The following KLHL38 variants were observed in gnomAD, a reference collection of about 807,000 sequenced individuals.
KLHL38 encodes kelch-like protein 38.
A neutral mutation model predicts 39.6 loss-of-function variants in KLHL38; 38 were observed. The ratio of observed to expected loss-of-function variants is 0.96; its 90% confidence interval spans 0.74 to 1.26. The LOEUF (loss-of-function observed/expected upper bound fraction) is 1.26, where lower values mean the gene tolerates loss of function less well. Among genes scored for constraint, KLHL38 ranks in the 50% most tolerant of loss-of-function variants. KLHL38 has a pLI of 0.00. For synonymous variants in KLHL38, 322 were observed against 302.2 expected (o/e 1.07, Z -0.68); for missense variants, 803 against 748.1 (o/e 1.07, Z -0.86).
intron 3 of KLHL38, 27 bp downstream of exon 3, chr8:123,646,882 G>A (rs758575642): frequency 2.5e-5 from 37 of 1,497,510 alleles, no homozygotes; most frequent in African/African-American, 9.7e-5. Context: ...TTTGTGTCAC[G>A]CCCAGTGATC....
chr8:123,645,914 T>C lies in KLHL38; in HGVS notation c.1571A>G (p.Tyr524Cys), dbSNP rs200260363. 6 of 1,614,034 alleles carry C rather than the reference T, an allele frequency of 3.7e-6. No homozygotes were observed. The East Asian group carries it at 1.3e-4, about 36-fold the overall frequency. Residue 524 changes from tyrosine to cysteine, a missense_variant, in exon 4 of 4, where the codon TAC (tyrosine) becomes TGC (cysteine). Transcript: ENST00000684634. ...HGATVMGNKL[Y>C]VTGGRRLTTD... ...GGTCAGCCGCCGCCCGCCCGTCACG[T>C]AGAGTTTGTTTCCCATCACTGTGGC... is the stretch of plus-strand genomic sequence containing the variant.
In KLHL38 at chr8:123,645,473, G is replaced by GAGAGAA. The variant is rs1587050249; in HGVS notation, c.*265_*266insTTCTCT. ...AAAGAGAGAGAGAGAGAGAGAGAGA[G>GAGAGAA]AGAGAGACAGACAGAGATAGGGGAG... is the stretch of plus-strand genomic sequence containing the variant. On this transcript the variant is annotated 3_prime_UTR_variant, in exon 4 of 4. Transcript: ENST00000684634. 1.2e-5 allele frequency: 6 copies of GAGAGAA among 499,284 alleles called. No homozygotes were observed. In the East Asian group the frequency reaches 1.6e-4, roughly 13 times the overall value. 30.9% of individuals were successfully genotyped at this position (499,284 alleles called of 1,614,324 possible).
chr8:123,649,366 T>A (rs1319283161), intron 2 of KLHL38, among the ~76,000 whole-genome samples: 2 of 151,942 alleles, frequency 1.3e-5, no homozygotes, highest in African/African-American at 4.8e-5. Flanking sequence ...GCCTGGATGG[T>A]CAGGGAGGAG....
chr8:123,651,791 G>A lies in KLHL38; in HGVS notation c.1136C>T (p.Thr379Ile), dbSNP rs1396916994. ...MLVARYSHRS[T>I]AHKNFIFSIG... ...GGAGAAGATGAAGTTCTTATGGGCA[G>A]TGCTTCTGTGGGAGTAGCGGGCCAC... Residue 379 changes from threonine (T) to isoleucine (I), a missense_variant, in exon 2 of 4, where the codon ACT becomes ATT. By Grantham distance (89) the Thr-to-Ile change is moderately conservative. Coordinates refer to ENST00000684634, the MANE Select transcript of KLHL38 (RefSeq NM_001081675.3). 1 of 1,614,188 alleles carries A rather than the reference G, an allele frequency of 6.2e-7. No individual in the cohort carries two copies. The highest frequency in any genetic ancestry group is 1.7e-5 in the Admixed American group (1 of 60,030).
chr8:123,646,178 G>A, intron 3 of KLHL38, 150 bp from the exon 4 acceptor site: 1 of 706,438 alleles, frequency 1.4e-6, no homozygotes, highest in Admixed American at 2.6e-5. Context: ...AACCTGCCAA[G>A]GCCTGCTTTG....
At position 123,651,980 on chromosome 8, in the gene KLHL38, G is replaced by A; in HGVS notation, c.947C>T (p.Ala316Val). 6.2e-7 allele frequency: 1 copy of A among 1,614,260 alleles called. No homozygotes were observed. Residue 316 changes from alanine (A) to valine (V), a missense_variant, in exon 2 of 4, where the codon GCC becomes GTC. Ala to Val is a moderately conservative substitution (Grantham distance 64). Coordinates refer to ENST00000684634, the MANE Select transcript of KLHL38 (RefSeq NM_001081675.3). ...SKQTGQWQSLAKLPTRLYKAS... is the reference protein window; with the variant it reads ...SKQTGQWQSLVKLPTRLYKAS... ...CTTGTACAGCCGTGTCGGGAGTTTG[G>A]CAAGGCTCTGCCATTGGCCGGTCTG...
intron 1 of KLHL38, 57 bp from the exon 2 acceptor site, chr8:123,652,984 C>A: frequency 6.6e-7 from 1 of 1,520,918 alleles, no homozygotes; most frequent in Admixed American, 1.9e-5. Context: ...TTCTCAGCTG[C>A]ATGTGCTGGA....
rs1587055580 is a variant in KLHL38, at chr8:123,652,523, T to A, written c.404A>T (p.Asn135Ile). ...SYLQSQLAPS[N>I]CLGMIRLSEI... ...TGAGAGTCTGATCATACCCAGGCAG[T>A]TGCTGGGGGCCAACTGGCTCTGCAA... Residue 135 changes from asparagine (N) to isoleucine (I), a missense_variant, in exon 2 of 4, where the codon AAC becomes ATC. Physicochemically the swap from Asn to Ile is moderately radical, Grantham distance 149. Transcript: ENST00000684634. The A allele has an allele frequency of 6.2e-7, 1 of 1,614,222 alleles. No homozygotes were observed. The highest frequency in any genetic ancestry group is 8.5e-7 in the Non-Finnish European group (1 of 1,180,038).
At chr8:123,650,285 A>G (rs1386324724) in intron 2 of KLHL38, among the ~76,000 whole-genome samples, 1 of 152,142 alleles carries the variant, frequency 6.6e-6, no homozygotes, top group Non-Finnish European at 1.5e-5. Context: ...AAAGCACACT[A>G]ACACAAATGA....
Position 123,646,681 on chromosome 8 carries a change from C to T in KLHL38, c.1456+228G>A, listed in dbSNP as rs371388014. On this transcript the variant is annotated intron_variant, in intron 3 of 3. Transcript: ENST00000684634. ...AGATACACGAGTACATTAATTATCA[C>T]GACAGCTCTGTGAGATAGGTATTAT... Among the ~76,000 whole-genome samples, 73 of 152,234 alleles carry T rather than the reference C, an allele frequency of 4.8e-4. 1 individual carries two copies. In the South Asian group the frequency reaches 0.013, roughly 28 times the overall value.
chr8:123,651,958 G>GT lies in KLHL38; in HGVS notation c.968dup (p.Tyr323Ter). The change falls in exon 2 of 4, where the codon TAC (tyrosine) becomes TAAC (stop). Residue 323 changes from tyrosine (Y) to a stop codon, truncating the protein, a stop_gained and frameshift_variant. Coordinates refer to ENST00000684634, the MANE Select transcript of KLHL38 (RefSeq NM_001081675.3). LOFTEE classifies it high-confidence loss of function. Reference sequence around the variant, plus strand: ...GGTGCAAGGTGATGGCAGAGGCCTTGTACAGCCGTGTCGGGAGTTTGGCAA... The same window carrying GT: ...GGTGCAAGGTGATGGCAGAGGCCTTGTTACAGCCGTGTCGGGAGTTTGGCAA... The part of the protein sequence containing the change: ...QSLAKLPTRL[Y>*]KASAITLHRS... 2 of 1,614,252 alleles carry GT rather than the reference G, an allele frequency of 1.2e-6. No homozygotes were observed. Among genetic ancestry groups the GT allele is most frequent in the South Asian group, 2.2e-5 (2 of 91,080 alleles).
chr8:123,646,848 C>A, intron 3 of KLHL38, 61 bp downstream of exon 3: 8 of 1,169,432 alleles, frequency 6.8e-6, no homozygotes, highest in Non-Finnish European at 1.0e-5. Flanking sequence ...TATGAGTGAC[C>A]TTTTTTCCAT....
At chr8:123,653,067 G>A (rs887216375) in intron 1 of KLHL38, 140 bp from the exon 2 acceptor site, 7 of 848,130 alleles carry the variant, frequency 8.3e-6, no homozygotes, top group South Asian at 7.4e-5. Flanking sequence ...TGTCACCATG[G>A]ATATTGTGTA....
intron 3 of KLHL38, 56 bp downstream of exon 3, chr8:123,646,853 T>C: frequency 1.6e-6 from 2 of 1,227,904 alleles, no homozygotes; most frequent in Non-Finnish European, 2.4e-6. Context: ...GTGACCTTTT[T>C]TCCATAGAAG....
rs1361479589 is a variant in KLHL38, at chr8:123,652,191, G to A, written c.736C>T (p.Pro246Ser). 6.2e-7 allele frequency: 1 copy of A among 1,614,230 alleles called. No homozygotes were observed. Among genetic ancestry groups the A allele is most frequent in the Admixed American group, 1.7e-5 (1 of 60,032 alleles). Residue 246 changes from proline (P) to serine (S), a missense_variant, in exon 2 of 4, where the codon CCT becomes TCT. Physicochemically the swap from Pro to Ser is moderately conservative, Grantham distance 74 (BLOSUM62 -1). Coordinates refer to ENST00000684634, the MANE Select transcript of KLHL38 (RefSeq NM_001081675.3). Reference protein sequence around the residue: ...IANDALLQSSPACQIILETAK... With the variant: ...IANDALLQSSSACQIILETAK... Reference sequence around the variant, plus strand: ...GTCTCCAAGATGATCTGGCATGCAGGCGAGGACTGCAGGAGGGCATCGTTG... The same window carrying A: ...GTCTCCAAGATGATCTGGCATGCAGACGAGGACTGCAGGAGGGCATCGTTG...
chr8:123,652,438 G>T lies in KLHL38; in HGVS notation c.489C>A (p.Phe163Leu). The change falls in exon 2 of 4, where the codon TTC becomes TTA. Residue 163 changes from phenylalanine to leucine, a missense_variant. Transcript: ENST00000684634. ...GGTCGGCCGATGCGGCCACCTCTGG[G>T]AAGGACGTCAGTGCCACCTCCCTGG... is the stretch of plus-strand genomic sequence containing the variant. The part of the protein sequence containing the change: ...KKAREVALTS[F>L]PEVAASADLK... 6.2e-7 allele frequency: 1 copy of T among 1,614,146 alleles called. No homozygotes were observed. Among genetic ancestry groups the T allele is most frequent in the South Asian group, 1.1e-5 (1 of 91,084 alleles).
chr8:123,653,010 G>A, intron 1 of KLHL38, 83 bp from the exon 2 acceptor site: 1 of 1,347,570 alleles, frequency 7.4e-7, no homozygotes, highest in Non-Finnish European at 1.0e-6. Flanking sequence ...CAGCTGTGGG[G>A]ACTCCAAGAC....
At chr8:123,647,923 CA>C (rs1047440817) in intron 2 of KLHL38, among the ~76,000 whole-genome samples, 1 of 151,606 alleles carries the variant, frequency 6.6e-6, no homozygotes, top group Non-Finnish European at 1.5e-5. Context: ...ACTAAAAATA[CA>C]AAAAAAATTA....
At chr8:123,652,954 A>G (rs1587056123) in intron 1 of KLHL38, 27 bp from the exon 2 acceptor site, 1 of 1,555,442 alleles carries the variant, frequency 6.4e-7, no homozygotes, top group Non-Finnish European at 8.6e-7. Flanking sequence ...AAGCCCCCAG[A>G]GTCAGCAAGA....
Sources: allele counts gnomAD v4.1 joint callset (sites outside exome capture counted in the v4.1 genomes callset), GRCh38; gene constraint gnomAD v4.1.1; transcripts MANE v1.5; gene names NCBI Gene and HGNC (gene_info 2026-07-23, HGNC 2026-07-21).